Variants in PTPRD observed in about 807,000 individuals in gnomAD.
The protein encoded by PTPRD is receptor-type tyrosine-protein phosphatase delta.
Under a neutral mutation model 214.5 loss-of-function variants are expected in PTPRD, and 34 were observed. The ratio of observed to expected loss-of-function variants is 0.16; its 90% CI spans 0.12 to 0.21. The LOEUF (loss-of-function observed/expected upper bound fraction) is 0.21, where lower values mean the gene tolerates loss of function less well. PTPRD is among the 10% of genes least tolerant of loss of function. PTPRD has a pLI of 1.00. For missense variants in PTPRD, 2,545 were observed against 2,398.7 expected, an observed-to-expected ratio of 1.06 and a Z score of -1.27; for synonymous variants, 1,128 against 845.7, an observed-to-expected ratio of 1.33 and a Z score of -5.79.
intron 7 of PTPRD, among the ~76,000 whole-genome samples, chr9:9,715,684 G>C (rs1030553910): frequency 6.6e-6 from 1 of 152,068 alleles, no homozygotes; most frequent in Admixed American, 6.6e-5. Context: ...AGTATTAAGA[G>C]AATGTATTTG....
At chr9:9,141,982 G>A (rs866099234) in intron 10 of PTPRD, among the ~76,000 whole-genome samples, 23 of 152,304 alleles carry the variant, frequency 1.5e-4, no homozygotes, top group African/African-American at 5.3e-4. Flanking sequence ...TGGTTTGACT[G>A]CTACATAGAC....
intron 11 of PTPRD, among the ~76,000 whole-genome samples, chr9:8,951,837 C>T (rs2099103674): frequency 6.6e-6 from 1 of 152,018 alleles, no homozygotes; most frequent in African/African-American, 2.4e-5. Context: ...CCTGCACTCT[C>T]CATTCACACA....
intron 11 of PTPRD, among the ~76,000 whole-genome samples, chr9:8,747,049 A>G (rs560430530): frequency 1.3e-5 from 2 of 152,198 alleles, no homozygotes; most frequent in Non-Finnish European, 2.9e-5. Context: ...TCAAGCCCCA[A>G]ATTAAAATGC....
At chr9:8,730,557 T>G (rs910547089) in intron 12 of PTPRD, among the ~76,000 whole-genome samples, 1 of 152,132 alleles carries the variant, frequency 6.6e-6, no homozygotes, top group Non-Finnish European at 1.5e-5. Context: ...TTCGTTAGAG[T>G]GAAACTGGTC....
At chr9:8,929,867 ATG>A in intron 11 of PTPRD, among the ~76,000 whole-genome samples, 1 of 78,612 alleles carries the variant, frequency 1.3e-5, no homozygotes, top group African/African-American at 4.4e-5. Context: ...GTGTATATAC[ATG>A]TGTGTGTATA....
At chr9:9,976,819 C>T (rs535639760) in intron 4 of PTPRD, among the ~76,000 whole-genome samples, 6 of 151,458 alleles carry the variant, frequency 4.0e-5, no homozygotes, top group Non-Finnish European at 8.8e-5. Context: ...ACAGTTCACT[C>T]CTGAGTTGTC....
At chr9:9,942,663 A>G (rs780534278) in intron 4 of PTPRD, among the ~76,000 whole-genome samples, 1 of 152,164 alleles carries the variant, frequency 6.6e-6, no homozygotes, top group Non-Finnish European at 1.5e-5. Context: ...CAAATCTTAC[A>G]GGTGAAAAGT....
At chr9:9,333,211 T>G (rs986542982) in intron 9 of PTPRD, among the ~76,000 whole-genome samples, 16 of 151,724 alleles carry the variant, frequency 1.1e-4, no homozygotes, top group African/African-American at 3.9e-4. Flanking sequence ...TCAGTGGGGC[T>G]GAAATAATAA....
intron 2 of PTPRD, among the ~76,000 whole-genome samples, chr9:10,597,461 C>G (rs941002151): frequency 6.6e-6 from 1 of 151,780 alleles, no homozygotes; most frequent in African/African-American, 2.4e-5. Context: ...AAAAGATAAA[C>G]TGGCATTTTC....
chr9:9,019,751 T>A (rs1447477395), intron 10 of PTPRD, among the ~76,000 whole-genome samples: 1 of 152,174 alleles, frequency 6.6e-6, no homozygotes, highest in African/African-American at 2.4e-5. Context: ...TATAATTTTT[T>A]ATCAACGTTG....
intron 8 of PTPRD, among the ~76,000 whole-genome samples, chr9:9,472,138 C>G (rs2094636668): frequency 6.7e-6 from 1 of 150,018 alleles, no homozygotes; most frequent in South Asian, 2.1e-4. Flanking sequence ...GGACGTGTCT[C>G]ATTTACAAGT....
At chr9:8,358,291 T>G (rs1159489640) in intron 39 of PTPRD, among the ~76,000 whole-genome samples, 1 of 152,180 alleles carries the variant, frequency 6.6e-6, no homozygotes, top group Non-Finnish European at 1.5e-5. Context: ...TTTTTTTTCT[T>G]GAAGGTTCAC....
intron 5 of PTPRD, among the ~76,000 whole-genome samples, chr9:9,810,632 T>A (rs1161467576): frequency 6.6e-6 from 1 of 152,036 alleles, no homozygotes; most frequent in Non-Finnish European, 1.5e-5. Flanking sequence ...AGATTTCGTT[T>A]AAAATACTAT....
intron 9 of PTPRD, among the ~76,000 whole-genome samples, chr9:9,187,877 G>C (rs1482301658): frequency 6.6e-6 from 1 of 151,648 alleles, no homozygotes; most frequent in African/African-American, 2.4e-5. Context: ...GGACTTCTTG[G>C]AATCCTGAGT....
At chr9:10,223,948 G>C (rs1260149080) in intron 3 of PTPRD, among the ~76,000 whole-genome samples, 1 of 151,320 alleles carries the variant, frequency 6.6e-6, no homozygotes, top group Non-Finnish European at 1.5e-5. Context: ...CTTTATGTAG[G>C]CCAAAAACTT....
chr9:10,443,517 C>G (rs2098775819), intron 2 of PTPRD, among the ~76,000 whole-genome samples: 2 of 151,684 alleles, frequency 1.3e-5, no homozygotes, highest in South Asian at 4.2e-4. Context: ...AAGAAATATT[C>G]TGAATAAAGT....
chr9:9,851,816 G>C (rs1403031967), intron 5 of PTPRD, among the ~76,000 whole-genome samples: 1 of 152,078 alleles, frequency 6.6e-6, no homozygotes, highest in African/African-American at 2.4e-5. Flanking sequence ...AATTTCACTG[G>C]GCACATATGT....
chr9:10,053,776 T>C (rs1226253051), intron 3 of PTPRD, among the ~76,000 whole-genome samples: 1 of 152,178 alleles, frequency 6.6e-6, no homozygotes, highest in African/African-American at 2.4e-5. Flanking sequence ...AACTTTTTTT[T>C]TGGCAACAGT....
chr9:9,093,172 C>T (rs1318274645), intron 10 of PTPRD, among the ~76,000 whole-genome samples: 2 of 151,972 alleles, frequency 1.3e-5, no homozygotes, highest in Non-Finnish European at 2.9e-5. Context: ...ACGGAACTTC[C>T]AAATACTAGA....
Sources: allele counts gnomAD v4.1 joint callset (sites outside exome capture counted in the v4.1 genomes callset), GRCh38; gene constraint gnomAD v4.1.1; transcripts MANE v1.5; gene names NCBI Gene and HGNC (gene_info 2026-07-23, HGNC 2026-07-21).